ITPRIP: variants seen among roughly 807,000 people sequenced by gnomAD.
ITPRIP encodes the protein inositol 1,4,5-trisphosphate receptor interacting protein, also known as inositol 1,4,5-trisphosphate receptor-interacting protein.
ITPRIP carries 32 observed loss-of-function variants against 35.8 expected under a neutral mutation model. The observed-to-expected ratio is 0.89, with a 90% CI of 0.68 to 1.20. The LOEUF (loss-of-function observed/expected upper bound fraction) is 1.20, where lower values mean the gene tolerates loss of function less well. ITPRIP is among the 50% of genes most tolerant of loss of function. ITPRIP has a pLI of 0.00. For synonymous variants in ITPRIP, 358 were observed against 324.0 expected (o/e 1.11, Z -1.13); for missense variants, 653 against 735.6 (o/e 0.89, Z 1.30).
intron 1 of ITPRIP, among the ~76,000 whole-genome samples, chr10:104,322,765 A>T (rs551083907): frequency 6.6e-6 from 1 of 152,322 alleles, no homozygotes; most frequent in East Asian, 1.9e-4. Context: ...GGAGTAGCTG[A>T]TAGGTTTCCT....
Position 104,315,804 on chromosome 10 carries a change from C to A in ITPRIP, c.248G>T (p.Arg83Leu). 6.2e-7 allele frequency: 1 copy of A among 1,613,742 alleles called. No homozygotes were observed. Among genetic ancestry groups the A allele is most frequent in the East Asian group, 2.2e-5 (1 of 44,866 alleles). The change falls in exon 2 of 2, where the codon CGC (arginine) becomes CTC (leucine). Residue 83 changes from arginine to leucine, a missense_variant. Transcript: ENST00000337478. This position sits in a 1 kb window ranked among gnomAD's most constrained non-coding sequence, Gnocchi z 5.7. The part of the protein sequence containing the change: ...AEEGRQQNET[R>L]VAWDLWSTLC... ...GGTGCTCCAGAGGTCCCAGGCCACGCGTGTCTCGTTCTGCTGCCTGCCCTC... is the reference window on the plus strand; with the variant it reads ...GGTGCTCCAGAGGTCCCAGGCCACGAGTGTCTCGTTCTGCTGCCTGCCCTC...
At chr10:104,331,366 G>C (rs568539650) in intron 1 of ITPRIP, among the ~76,000 whole-genome samples, 10 of 152,366 alleles carry the variant, frequency 6.6e-5, no homozygotes, top group Non-Finnish European at 1.3e-4. Context: ...CCCGGCTGCT[G>C]CTAAGAGGCT....
chr10:104,314,658 A>G lies in ITPRIP; in HGVS notation c.1394T>C (p.Leu465Pro), dbSNP rs200915089. The change falls in exon 2 of 2, where the codon CTG becomes CCG. Residue 465 changes from leucine to proline, a missense_variant. Leu to Pro is a moderately conservative substitution (Grantham distance 98, BLOSUM62 -3). Coordinates refer to ENST00000337478, the MANE Select transcript of ITPRIP (RefSeq NM_001272013.2). ...DARLHELLCF[L>P]EKSLLQKKLH... ...CTTCTTCTGGAGCAAGCTCTTCTCC[A>G]GGAAGCACAGCAACTCGTGCAGACG... is the stretch of plus-strand genomic sequence containing the variant. 6.2e-7 allele frequency: 1 copy of G among 1,614,022 alleles called. No individual in the cohort carries two copies. Among genetic ancestry groups the G allele is most frequent in the African/African-American group, 1.3e-5 (1 of 75,074 alleles).
Position 104,314,782 on chromosome 10 carries a change from C to T in ITPRIP, c.1270G>A (p.Gly424Ser), listed in dbSNP as rs200923513. ...FLLSKQSRLT[G>S]PSGLSSYHLK... is the part of the protein sequence containing the mutation. ...TGGTAGCTGCTGAGCCCGCTGGGAC[C>T]GGTCAGGCGGCTCTGCTTGGAGAGC... is the stretch of plus-strand genomic sequence containing the variant. Residue 424 changes from glycine to serine, a missense_variant, in exon 2 of 2, where the codon GGT becomes AGT. By Grantham distance (56) the Gly-to-Ser change is moderately conservative. Coordinates refer to ENST00000337478, the MANE Select transcript of ITPRIP (RefSeq NM_001272013.2). The T allele has an allele frequency of 2.7e-5, 44 of 1,613,840 alleles. No individual in the cohort carries two copies. The highest frequency in any genetic ancestry group is 3.3e-4 in the Middle Eastern group (2 of 6,062).
In ITPRIP at chr10:104,327,647, C is replaced by T. The variant is rs181205696; in HGVS notation, c.-14+10599G>A. Among the ~76,000 whole-genome samples the T allele has an allele frequency of 2.6e-3, 397 of 152,310 alleles. 2 individuals carry two copies. The highest frequency in any genetic ancestry group is 4.1e-3 in the Non-Finnish European group (282 of 68,026). ...GAGGGAGAGGGACATATGAATTAGG[C>T]CCCACTGAGTGCACCAGGTACCTCA... On this transcript the variant is annotated intron_variant, in intron 1 of 1. Transcript: ENST00000337478.
rs565618445 is a variant in ITPRIP at position 104,335,200 on chromosome 10, C to T, written c.-14+3046G>A. The stretch of plus-strand genomic sequence containing the variant: ...TATCGACAGTACATAGTGAAATGCT[C>T]GGTTCCAGCTAATTAAGCGCTCAGC... On this transcript the variant is annotated intron_variant, in intron 1 of 1. Coordinates refer to ENST00000337478, the MANE Select transcript of ITPRIP (RefSeq NM_001272013.2). Among the ~76,000 whole-genome samples, 6 of 152,290 alleles carry T rather than the reference C, an allele frequency of 3.9e-5. No individual in the cohort carries two copies. The South Asian group carries it at 1.2e-3, about 32-fold the overall frequency.
intron 1 of ITPRIP, among the ~76,000 whole-genome samples, chr10:104,334,552 T>C (rs894385926): frequency 6.6e-6 from 1 of 152,096 alleles, no homozygotes; most frequent in African/African-American, 2.4e-5. Context: ...AACAAATAGG[T>C]AAATAAAATA....
chr10:104,322,187 C>G (rs958126865), intron 1 of ITPRIP, among the ~76,000 whole-genome samples: 1 of 152,160 alleles, frequency 6.6e-6, no homozygotes, highest in Admixed American at 6.5e-5. Flanking sequence ...CAGTGTGCAA[C>G]TCCTTGGCTC....
In ITPRIP at chr10:104,315,920, G is replaced by C; in HGVS notation, c.132C>G (p.His44Gln). Residue 44 changes from histidine to glutamine, a missense_variant, in exon 2 of 2, where the codon CAC (histidine) becomes CAG (glutamine). His to Gln is a conservative substitution (Grantham distance 24). Coordinates refer to ENST00000337478, the MANE Select transcript of ITPRIP (RefSeq NM_001272013.2). This position sits in a 1 kb window ranked among gnomAD's most constrained non-coding sequence, Gnocchi z 5.7. ...ACTGCTCCAGCTGCAGCTTCTCCTG[G>C]TGCGCCTGCATCTTGCGGATGATCT... is the stretch of plus-strand genomic sequence containing the variant. ...EEEIIRKMQA[H>Q]QEKLQLEQLR... is the part of the protein sequence containing the mutation. 1.9e-6 allele frequency: 3 copies of C among 1,613,956 alleles called. No individual in the cohort carries two copies. Among genetic ancestry groups the C allele is most frequent in the Non-Finnish European group, 2.5e-6 (3 of 1,180,010 alleles).
Position 104,310,012 on chromosome 10 carries a change from G to A in ITPRIP, c.*4396C>T, listed in dbSNP as rs889277159. Reference sequence around the variant, plus strand: ...TAACTCTAAAAGATGCCCTTCCCAGGGACAGGGGTGGGGCAAGGCAGAGTG... The same window carrying A: ...TAACTCTAAAAGATGCCCTTCCCAGAGACAGGGGTGGGGCAAGGCAGAGTG... On this transcript the variant is annotated 3_prime_UTR_variant, in exon 2 of 2. Transcript: ENST00000337478. 3 of 152,218 alleles carry A rather than the reference G, an allele frequency of 2.0e-5. No individual in the cohort carries two copies. The highest frequency in any genetic ancestry group is 7.2e-5 in the African/African-American group (3 of 41,444). 9.4% of individuals were successfully genotyped at this position (152,218 alleles called of 1,614,324 possible). A position where few individuals can be genotyped will look rare whatever the true frequency, so the allele number is the denominator to read the frequency against.
At chr10:104,337,845 G>A (rs1278013614) in intron 1 of ITPRIP, among the ~76,000 whole-genome samples, 1 of 152,198 alleles carries the variant, frequency 6.6e-6, no homozygotes, top group Non-Finnish European at 1.5e-5. Context: ...GGGCGAACCG[G>A]CTTTTCTTTC....
At chr10:104,325,188 C>A (rs1381023217) in intron 1 of ITPRIP, among the ~76,000 whole-genome samples, 1 of 152,104 alleles carries the variant, frequency 6.6e-6, no homozygotes, top group Admixed American at 6.5e-5. Context: ...CCACTGCACT[C>A]CAACTTGGGT....
intron 1 of ITPRIP, among the ~76,000 whole-genome samples, chr10:104,331,545 G>A (rs2014150651): frequency 6.6e-6 from 1 of 152,212 alleles, no homozygotes; most frequent in Non-Finnish European, 1.5e-5. Flanking sequence ...AGAAGGGAGA[G>A]AAAGCAGTAG....
chr10:104,314,532 A>G lies in ITPRIP; in HGVS notation c.1520T>C (p.Val507Ala), dbSNP rs751462480. The G allele has an allele frequency of 1.2e-6, 2 of 1,614,146 alleles. No homozygotes were observed. The highest frequency in any genetic ancestry group is 1.7e-6 in the Non-Finnish European group (2 of 1,180,026). Residue 507 changes from valine (V) to alanine (A), a missense_variant, in exon 2 of 2, where the codon GTC (valine) becomes GCC (alanine). Val to Ala is a moderately conservative substitution (Grantham distance 64, BLOSUM62 0). Coordinates refer to ENST00000337478, the MANE Select transcript of ITPRIP (RefSeq NM_001272013.2). ...CTTACGGTAAAGGCTTCGCTGCAGGACGAAGGGCCGGAAGAGGTTGAGGGG... is the reference window on the plus strand; with the variant it reads ...CTTACGGTAAAGGCTTCGCTGCAGGGCGAAGGGCCGGAAGAGGTTGAGGGG... ...AEPLNLFRPF[V>A]LQRSLYRKTL...
chr10:104,330,722 C>T (rs1234976485), intron 1 of ITPRIP, among the ~76,000 whole-genome samples: 1 of 152,214 alleles, frequency 6.6e-6, no homozygotes, highest in Non-Finnish European at 1.5e-5. Flanking sequence ...TTAAGCATTG[C>T]ACAATAAAGC....
At chr10:104,325,820 C>T (rs1175993805) in intron 1 of ITPRIP, among the ~76,000 whole-genome samples, 2 of 152,210 alleles carry the variant, frequency 1.3e-5, no homozygotes, top group Non-Finnish European at 2.9e-5. Context: ...GGCCTGTGGG[C>T]CCCAGGAGCC....
rs276218 is a variant in ITPRIP, at chr10:104,328,709, C to T, written c.-14+9537G>A. Among the ~76,000 whole-genome samples, 16,758 of 151,952 alleles carry T rather than the reference C, an allele frequency of 0.11. 2,056 individuals are homozygous for T. The highest frequency in any genetic ancestry group is 0.3 in the African/African-American group (12,579 of 41,338). The stretch of plus-strand genomic sequence containing the variant: ...TAAAGGGCCAGCACCCAGCAGCCAC[C>T]TTCTGTTTGACCCCTGGATGGGAAC... On this transcript the variant is annotated intron_variant, in intron 1 of 1. Coordinates refer to ENST00000337478, the MANE Select transcript of ITPRIP (RefSeq NM_001272013.2). This position sits in a 1 kb window ranked among gnomAD's most constrained non-coding sequence, Gnocchi z 4.1.
At chr10:104,329,884 G>C (rs909785184) in intron 1 of ITPRIP, among the ~76,000 whole-genome samples, 1 of 152,182 alleles carries the variant, frequency 6.6e-6, no homozygotes, top group Non-Finnish European at 1.5e-5. Flanking sequence ...TTTTTGATTT[G>C]TTAAATCGTC....
At position 104,312,275 on chromosome 10, in the gene ITPRIP, C is replaced by A; in HGVS notation, c.*2133G>T. 6.6e-6 allele frequency: 1 copy of A among 152,512 alleles called. No homozygotes were observed. The highest frequency in any genetic ancestry group is 1.5e-5 in the Non-Finnish European group (1 of 68,036). The allele number at this position is 152,512 out of a possible 1,614,324, so 9.4% of individuals were successfully genotyped here. A position where few individuals can be genotyped will look rare whatever the true frequency, so the allele number is the denominator to read the frequency against. ...CCCACCGAGTTCTGTTGTCTCTGTACACACAAGAAGCCAGAAGATATTTTT... is the reference window on the plus strand; with the variant it reads ...CCCACCGAGTTCTGTTGTCTCTGTAAACACAAGAAGCCAGAAGATATTTTT... On this transcript the variant is annotated 3_prime_UTR_variant, in exon 2 of 2. Coordinates refer to ENST00000337478, the MANE Select transcript of ITPRIP (RefSeq NM_001272013.2).
Sources: allele counts gnomAD v4.1 joint callset (sites outside exome capture counted in the v4.1 genomes callset), GRCh38; gene constraint gnomAD v4.1.1; non-coding constraint Gnocchi (gnomAD v3.1); transcripts MANE v1.5; gene names NCBI Gene and HGNC (gene_info 2026-07-23, HGNC 2026-07-21).